RAB3C: variants seen among roughly 807,000 people sequenced by gnomAD.
The protein encoded by RAB3C is ras-related protein Rab-3C.
RAB3C carries 17 observed loss-of-function variants against 26.4 expected under a neutral mutation model. The ratio of observed to expected loss-of-function variants is 0.64; its 90% confidence interval spans 0.44 to 0.97. The LOEUF (loss-of-function observed/expected upper bound fraction) is 0.97, where lower values mean the gene tolerates loss of function less well. Among genes scored for constraint, RAB3C ranks in the 50% least tolerant of loss-of-function variants. The pLI is 0.00. For synonymous variants in RAB3C, 91 were observed against 95.9 expected, an observed-to-expected ratio of 0.95 and a Z score of 0.30; for missense variants, 242 against 281.9, an observed-to-expected ratio of 0.86 and a Z score of 1.01.
chr5:58,836,471 G>C (rs1453567464), intron 4 of RAB3C, among the ~76,000 whole-genome samples: 1 of 152,126 alleles, frequency 6.6e-6, no homozygotes, highest in Non-Finnish European at 1.5e-5. Context: ...CAGAACACTA[G>C]AACTTACATC....
At chr5:58,645,200 T>G (rs1039471208) in intron 2 of RAB3C, among the ~76,000 whole-genome samples, 8 of 152,244 alleles carry the variant, frequency 5.3e-5, no homozygotes, top group African/African-American at 1.9e-4. Flanking sequence ...CATTTCCCTC[T>G]GTAAGGTTTA....
chr5:58,598,951 A>G (rs565854452), intron 1 of RAB3C, among the ~76,000 whole-genome samples: 2 of 152,276 alleles, frequency 1.3e-5, no homozygotes, highest in South Asian at 4.1e-4. Flanking sequence ...TGGAAGCCTC[A>G]CTTGAGCGTT....
chr5:58,696,209 A>T (rs901349300), intron 2 of RAB3C, among the ~76,000 whole-genome samples: 14 of 152,280 alleles, frequency 9.2e-5, no homozygotes, highest in South Asian at 6.2e-4. Context: ...GGTTCTGTTT[A>T]TGTGATGAAT....
intron 3 of RAB3C, among the ~76,000 whole-genome samples, chr5:58,777,284 G>T (rs1207444156): frequency 6.6e-6 from 1 of 152,002 alleles, no homozygotes; most frequent in Non-Finnish European, 1.5e-5. Flanking sequence ...AATCCCTCCT[G>T]CAACTCACTG....
At chr5:58,737,392 G>GAA (rs1741164158) in intron 3 of RAB3C, among the ~76,000 whole-genome samples, 1 of 68,478 alleles carries the variant, frequency 1.5e-5, no homozygotes. Context: ...ATCACCCTAT[G>GAA]AAATATATAT....
At chr5:58,807,205 A>G (rs1222615281) in intron 3 of RAB3C, among the ~76,000 whole-genome samples, 2 of 152,236 alleles carry the variant, frequency 1.3e-5, no homozygotes, top group Non-Finnish European at 2.9e-5. Context: ...AGCAGGCAGC[A>G]TATCAGACAA....
At chr5:58,761,059 T>TCACACACACACACACA (rs777146349) in intron 3 of RAB3C, among the ~76,000 whole-genome samples, 2 of 68,660 alleles carry the variant, frequency 2.9e-5, no homozygotes, top group African/African-American at 9.7e-5. Context: ...CCTCTCTCTC[T>TCACACACACACACACA]CTCTCACACA....
intron 2 of RAB3C, among the ~76,000 whole-genome samples, chr5:58,621,340 C>T (rs1375888851): frequency 6.6e-6 from 1 of 152,130 alleles, no homozygotes; most frequent in Non-Finnish European, 1.5e-5. Context: ...AGTTAGGAAA[C>T]CAAGATATAG....
chr5:58,818,750 G>A (rs1743273304), intron 3 of RAB3C, among the ~76,000 whole-genome samples: 1 of 152,170 alleles, frequency 6.6e-6, no homozygotes, highest in African/African-American at 2.4e-5. Context: ...CTTTCAGTGT[G>A]TGTCTCTACC....
chr5:58,789,376 G>A (rs13436045), intron 3 of RAB3C, among the ~76,000 whole-genome samples: 9,307 of 152,120 alleles, frequency 0.061, 490 homozygotes, highest in African/African-American at 0.13. Flanking sequence ...CCTATTATCC[G>A]CAGAATAACA....
At chr5:58,794,319 G>T (rs1742596737) in intron 3 of RAB3C, 1 of 149,648 alleles carries the variant, frequency 6.7e-6, no homozygotes, top group Admixed American at 6.6e-5. Context: ...AGAAAACAGA[G>T]GAAGAAAAGT....
intron 1 of RAB3C, among the ~76,000 whole-genome samples, chr5:58,589,503 C>T (rs1057266384): frequency 3.9e-5 from 6 of 152,140 alleles, no homozygotes; most frequent in East Asian, 3.8e-4. Context: ...TGTTAAATGT[C>T]TACTAGAGTT....
At chr5:58,716,272 A>G (rs1749171675) in intron 2 of RAB3C, among the ~76,000 whole-genome samples, 1 of 152,108 alleles carries the variant, frequency 6.6e-6, no homozygotes, top group South Asian at 2.1e-4. Flanking sequence ...TGAAAAATGA[A>G]TGGGGTTTGA....
chr5:58,840,352 A>C (rs1743851018), intron 4 of RAB3C, among the ~76,000 whole-genome samples: 1 of 151,940 alleles, frequency 6.6e-6, no homozygotes, highest in African/African-American at 2.4e-5. Flanking sequence ...CTCTTTGTCG[A>C]ATTTCTCATT....
At chr5:58,713,265 G>A (rs537878029) in intron 2 of RAB3C, among the ~76,000 whole-genome samples, 1 of 152,268 alleles carries the variant, frequency 6.6e-6, no homozygotes, top group East Asian at 1.9e-4. Flanking sequence ...ACTAGTTGTA[G>A]TCCTCCATGG....
chr5:58,794,066 C>T (rs1742589035), intron 3 of RAB3C, among the ~76,000 whole-genome samples: 1 of 152,094 alleles, frequency 6.6e-6, no homozygotes, highest in African/African-American at 2.4e-5. Flanking sequence ...AAATCAGCAG[C>T]AAGTTTCTCA....
At chr5:58,848,047 G>A (rs1744041643) in intron 4 of RAB3C, among the ~76,000 whole-genome samples, 1 of 152,142 alleles carries the variant, frequency 6.6e-6, no homozygotes, top group Admixed American at 6.5e-5. Flanking sequence ...AGTAGAGGCA[G>A]GGTTTCGCCA....
intron 2 of RAB3C, among the ~76,000 whole-genome samples, chr5:58,697,996 A>G (rs553424219): frequency 2.2e-4 from 34 of 152,270 alleles, no homozygotes; most frequent in African/African-American, 7.9e-4. Context: ...CCGTTAATTG[A>G]TGCAGTTTCT....
chr5:58,833,645 C>T (rs1348183452), intron 4 of RAB3C, among the ~76,000 whole-genome samples: 6 of 152,106 alleles, frequency 3.9e-5, no homozygotes, highest in Non-Finnish European at 8.8e-5. Flanking sequence ...AACACACTAA[C>T]AGGCAGAAGG....
Sources: gnomAD v4.1 joint callset for allele counts (sites outside exome capture counted in the v4.1 genomes callset) on GRCh38, gnomAD v4.1.1 for gene constraint, MANE v1.5 for transcripts, NCBI Gene and HGNC (gene_info 2026-07-23, HGNC 2026-07-21) for gene names.